Variants in NCOA3 observed in about 807,000 individuals in gnomAD.
The protein encoded by NCOA3 is nuclear receptor coactivator 3.
In NCOA3, 51 loss-of-function variants were observed where a neutral mutation model predicts 158.8. The ratio of observed to expected loss-of-function variants is 0.32; its 90% confidence interval spans 0.26 to 0.41. The LOEUF is 0.41. NCOA3 is among the 10% of genes least tolerant of loss of function. The probability of loss-of-function intolerance (pLI) is 1.00; values close to 1 mark genes in which losing one functional copy is unlikely to be tolerated. For synonymous variants in NCOA3, 537 were observed against 592.4 expected, an observed-to-expected ratio of 0.91 and a Z score of 1.36; for missense variants, 1,510 against 1,746.6, an observed-to-expected ratio of 0.86 and a Z score of 2.41.
At chr20:47,536,389 C>G (rs1254448506) in intron 1 of NCOA3, among the ~76,000 whole-genome samples, 1 of 152,206 alleles carries the variant, frequency 6.6e-6, no homozygotes, top group Non-Finnish European at 1.5e-5. Flanking sequence ...AGCCCCCTAT[C>G]CGGCCAGTGA....
At chr20:47,551,901 A>G (rs1381519419) in intron 1 of NCOA3, among the ~76,000 whole-genome samples, 1 of 152,214 alleles carries the variant, frequency 6.6e-6, no homozygotes, top group Non-Finnish European at 1.5e-5. Flanking sequence ...TTTTAAAAGT[A>G]AATTGTTAGG....
chr20:47,635,764 C>G lies in NCOA3; in HGVS notation c.1504+51C>G, dbSNP rs72645271. 5,315 of 1,521,668 alleles carry G rather than the reference C, an allele frequency of 3.5e-3. 174 individuals carry two copies. In the African/African-American group the frequency reaches 0.065, roughly 19 times the overall value. 94.3% of individuals were successfully genotyped at this position (1,521,668 alleles called of 1,614,324 possible). A position where few individuals can be genotyped will look rare whatever the true frequency, so the allele number is the denominator to read the frequency against. On this transcript the variant is annotated intron_variant, in intron 11 of 22. Transcript: ENST00000371998. The stretch of plus-strand genomic sequence containing the variant: ...TTTTTTTTCTTTTTAAGTAATTATT[C>G]TTTCCATACTACTATAATTCTTGTA...
chr20:47,591,394 A>G (rs946544731), intron 2 of NCOA3, among the ~76,000 whole-genome samples: 1 of 152,226 alleles, frequency 6.6e-6, no homozygotes, highest in Non-Finnish European at 1.5e-5. Flanking sequence ...AGTCTTTTGC[A>G]TGAGAATCTT....
chr20:47,623,339 C>G (rs1467370043), intron 3 of NCOA3, among the ~76,000 whole-genome samples: 1 of 152,098 alleles, frequency 6.6e-6, no homozygotes, highest in African/African-American at 2.4e-5. Context: ...TTCGTATTTT[C>G]TAGATGAAGT....
chr20:47,559,188 A>G (rs776416480), intron 1 of NCOA3, among the ~76,000 whole-genome samples: 1 of 151,950 alleles, frequency 6.6e-6, no homozygotes, highest in Non-Finnish European at 1.5e-5. Context: ...TCATTGTTGA[A>G]CTTATAGGCT....
At chr20:47,525,454 C>A (rs1236772594) in intron 1 of NCOA3, among the ~76,000 whole-genome samples, 5 of 151,014 alleles carry the variant, frequency 3.3e-5, no homozygotes, top group Admixed American at 3.3e-4. Flanking sequence ...TTGGGTACAC[C>A]TCCCAGACGG....
intron 19 of NCOA3, among the ~76,000 whole-genome samples, chr20:47,650,341 C>G (rs7263658): frequency 0.035 from 5,222 of 150,658 alleles, 242 homozygotes; most frequent in African/African-American, 0.11. Flanking sequence ...GCGTCAATTC[C>G]CTGGGTTTAA....
intron 1 of NCOA3, among the ~76,000 whole-genome samples, chr20:47,570,935 TATATACAC>T (rs1242664909): frequency 3.5e-4 from 20 of 56,888 alleles, no homozygotes; most frequent in East Asian, 7.6e-4. Context: ...AGCAGTAATA[TATATACAC>T]ACACACACAC....
intron 1 of NCOA3, among the ~76,000 whole-genome samples, chr20:47,542,423 C>T (rs1390362905): frequency 1.3e-5 from 2 of 152,064 alleles, no homozygotes; most frequent in East Asian, 3.9e-4. Flanking sequence ...CTCTCTCTCT[C>T]TATTTTTAAA....
At position 47,636,755 on chromosome 20, in the gene NCOA3, G is replaced by A; in HGVS notation, c.2369G>A (p.Ser790Asn). 6.2e-7 allele frequency: 1 copy of A among 1,604,188 alleles called. No individual in the cohort carries two copies. The highest frequency in any genetic ancestry group is 8.5e-7 in the Non-Finnish European group (1 of 1,173,486). Residue 790 changes from serine (S) to asparagine (N), a missense_variant, in exon 12 of 23, where the codon AGT becomes AAT. Ser to Asn is a conservative substitution (Grantham distance 46). This residue lies in a region of NCOA3 where 1,017 missense variants were observed against 1,098.3 expected (regional missense o/e 0.93). Coordinates refer to ENST00000371998, the MANE Select transcript of NCOA3 (RefSeq NM_181659.3). ...EKDPKIKTET[S>N]EEGSGDLDNL... Reference sequence around the variant, plus strand: ...GACCCTAAAATTAAGACAGAGACAAGTGAAGAGGTAATTTGTTTTCTGTAT... The same window carrying A: ...GACCCTAAAATTAAGACAGAGACAAATGAAGAGGTAATTTGTTTTCTGTAT...
At chr20:47,518,152 G>A (rs1352510158) in intron 1 of NCOA3, among the ~76,000 whole-genome samples, 1 of 151,704 alleles carries the variant, frequency 6.6e-6, no homozygotes, top group Non-Finnish European at 1.5e-5. Context: ...TTCATTACAA[G>A]TCTGGGCAAC....
At chr20:47,577,771 T>C (rs766795224) in intron 1 of NCOA3, among the ~76,000 whole-genome samples, 3 of 152,242 alleles carry the variant, frequency 2.0e-5, no homozygotes, top group Non-Finnish European at 4.4e-5. Flanking sequence ...AGCAGGACTT[T>C]ACAAAATCTA....
intron 1 of NCOA3, among the ~76,000 whole-genome samples, chr20:47,547,437 G>A (rs1477537288): frequency 1.3e-5 from 2 of 150,854 alleles, no homozygotes; most frequent in Non-Finnish European, 2.9e-5. Flanking sequence ...ATTTTAGACG[G>A]AGTCTCGCTC....
At chr20:47,619,090 TATATTTATTCA>T (rs1443386683) in intron 2 of NCOA3, among the ~76,000 whole-genome samples, 3 of 152,228 alleles carry the variant, frequency 2.0e-5, no homozygotes, top group Non-Finnish European at 4.4e-5. Flanking sequence ...ATGTTGCTTT[TATATTTATTCA>T]ATATTTATTC....
intron 2 of NCOA3, among the ~76,000 whole-genome samples, chr20:47,614,800 G>A (rs1366479573): frequency 6.6e-6 from 1 of 152,114 alleles, no homozygotes. Flanking sequence ...GTGGGTAATG[G>A]TTAGGTAAGG....
intron 1 of NCOA3, among the ~76,000 whole-genome samples, chr20:47,570,982 A>G (rs1602419144): frequency 1.2e-5 from 1 of 80,504 alleles, no homozygotes; most frequent in African/African-American, 4.8e-5. Context: ...GTATATACAT[A>G]TATGTGTGTG....
intron 2 of NCOA3, among the ~76,000 whole-genome samples, chr20:47,612,262 TAAAA>T (rs149467793): frequency 6.6e-6 from 1 of 150,774 alleles, no homozygotes; most frequent in African/African-American, 2.4e-5. Context: ...TGGTGGTAGT[TAAAA>T]AAAAAATTTG....
At chr20:47,511,793 C>A (rs1442842544) in intron 1 of NCOA3, among the ~76,000 whole-genome samples, 2 of 151,496 alleles carry the variant, frequency 1.3e-5, no homozygotes, top group African/African-American at 2.4e-5. Context: ...GCATCATGAT[C>A]TGCCCGTCTC....
At chr20:47,535,335 G>T (rs947835855) in intron 1 of NCOA3, among the ~76,000 whole-genome samples, 1 of 152,154 alleles carries the variant, frequency 6.6e-6, no homozygotes, top group Non-Finnish European at 1.5e-5. Flanking sequence ...CCCAGTGGCC[G>T]TGTGTTACAG....
Sources: gnomAD v4.1 joint callset for allele counts (sites outside exome capture counted in the v4.1 genomes callset) on GRCh38, gnomAD v4.1.1 for gene constraint, gnomAD v4.1.1 regional missense constraint, MANE v1.5 for transcripts, NCBI Gene and HGNC (gene_info 2026-07-23, HGNC 2026-07-21) for gene names.